VMP1: variants seen among roughly 807,000 people sequenced by gnomAD.
VMP1 encodes the protein vacuole membrane protein 1, also known as ectopic P-granules autophagy protein 3 homolog.
In VMP1, 11 loss-of-function variants were observed where a neutral mutation model predicts 56.0. That is an observed-to-expected ratio of 0.20 (90% CI 0.12 to 0.32). The LOEUF (loss-of-function observed/expected upper bound fraction) is 0.32, where lower values mean the gene tolerates loss of function less well. Among genes scored for constraint, VMP1 ranks in the 10% least tolerant of loss-of-function variants. The pLI is 1.00. For missense variants in VMP1, 296 were observed against 490.3 expected (o/e 0.60, Z 3.74); for synonymous variants, 149 against 165.0 (o/e 0.90, Z 0.74).
At chr17:59,797,570 T>C (rs2037487872) in intron 7 of VMP1, among the ~76,000 whole-genome samples, 1 of 152,114 alleles carries the variant, frequency 6.6e-6, no homozygotes, top group African/African-American at 2.4e-5. Context: ...GGACATACTG[T>C]ATAATTCCAT....
At chr17:59,826,821 G>C (rs2038659451) in intron 10 of VMP1, among the ~76,000 whole-genome samples, 1 of 152,142 alleles carries the variant, frequency 6.6e-6, no homozygotes, top group Non-Finnish European at 1.5e-5. Context: ...GGCAGAGAAG[G>C]GGGACACTCC....
chr17:59,719,577 T>G (rs1249971489), intron 1 of VMP1, among the ~76,000 whole-genome samples: 1 of 152,170 alleles, frequency 6.6e-6, no homozygotes, highest in Non-Finnish European at 1.5e-5. Flanking sequence ...TCTCACTTTC[T>G]TTTCCTTTTC....
At chr17:59,717,717 T>C (rs191428114) in intron 1 of VMP1, among the ~76,000 whole-genome samples, 43 of 152,302 alleles carry the variant, frequency 2.8e-4, no homozygotes, top group Non-Finnish European at 5.0e-4. Context: ...GTAAGGCATT[T>C]GATAACAGCC....
At chr17:59,787,355 T>C (rs2037041349) in intron 7 of VMP1, among the ~76,000 whole-genome samples, 2 of 152,184 alleles carry the variant, frequency 1.3e-5, no homozygotes, top group African/African-American at 2.4e-5. Context: ...TCTATTTCTT[T>C]AACTCATTCC....
chr17:59,828,844 A>G (rs921860133), intron 10 of VMP1, among the ~76,000 whole-genome samples: 5 of 152,210 alleles, frequency 3.3e-5, no homozygotes, highest in African/African-American at 9.6e-5. Context: ...AGCCAGGCAC[A>G]GAGGCTTATG....
intron 7 of VMP1, among the ~76,000 whole-genome samples, chr17:59,800,150 A>G (rs2037588594): frequency 6.6e-6 from 1 of 152,298 alleles, no homozygotes; most frequent in African/African-American, 2.4e-5. Flanking sequence ...GGCACTTTTT[A>G]CTTTGTGTTC....
intron 5 of VMP1, among the ~76,000 whole-genome samples, chr17:59,740,349 A>G (rs1158712507): frequency 6.6e-6 from 1 of 152,200 alleles, no homozygotes; most frequent in Non-Finnish European, 1.5e-5. Flanking sequence ...TCCATATTTG[A>G]AAGCAGTTTG....
intron 1 of VMP1, among the ~76,000 whole-genome samples, chr17:59,728,432 C>G (rs371509885): frequency 1.3e-5 from 2 of 151,214 alleles, no homozygotes; most frequent in African/African-American, 4.9e-5. Flanking sequence ...AATATAACCC[C>G]CTAACTCATA....
chr17:59,729,407 C>T (rs1331311059), intron 1 of VMP1, among the ~76,000 whole-genome samples: 1 of 145,148 alleles, frequency 6.9e-6, no homozygotes, highest in Non-Finnish European at 1.5e-5. Context: ...CACTTGAACT[C>T]GGGAGGCAGA....
chr17:59,838,186 C>A, intron 10 of VMP1, 109 bp from the exon 11 acceptor site: 1 of 596,794 alleles, frequency 1.7e-6, no homozygotes, highest in South Asian at 2.4e-5. Context: ...CTCTTCCTAT[C>A]CAATCCCTGC....
At chr17:59,829,402 G>T (rs2038743675) in intron 10 of VMP1, among the ~76,000 whole-genome samples, 1 of 152,120 alleles carries the variant, frequency 6.6e-6, no homozygotes, top group Admixed American at 6.5e-5. Flanking sequence ...TACTAGGAAA[G>T]GCAGTTTCAT....
intron 2 of VMP1, among the ~76,000 whole-genome samples, chr17:59,733,715 AAAAC>A (rs2034919166): frequency 6.6e-6 from 1 of 152,214 alleles, no homozygotes; most frequent in Non-Finnish European, 1.5e-5. Context: ...AAAAAAAACA[AAAAC>A]AAAAGCATTT....
Position 59,738,772 on chromosome 17 carries a change from T to C in VMP1, c.304-65T>C, listed in dbSNP as rs185030704. On this transcript the variant is annotated intron_variant, in intron 4 of 11. Transcript: ENST00000262291. The stretch of plus-strand genomic sequence containing the variant: ...ACTTTAGTTGATTTAATTTTGATGA[T>C]GGTTTATAAATACCGCATTTCTGTA... 6 of 1,148,074 alleles carry C rather than the reference T, an allele frequency of 5.2e-6. No individual in the cohort carries two copies. The African/African-American group carries it at 7.9e-5, about 15-fold the overall frequency. The allele number at this position is 1,148,074 out of a possible 1,614,324, so 71.1% of individuals were successfully genotyped here.
intron 6 of VMP1, among the ~76,000 whole-genome samples, chr17:59,769,772 G>A (rs117763691): frequency 7.4e-4 from 113 of 152,120 alleles, no homozygotes; most frequent in Admixed American, 2.0e-3. Flanking sequence ...TTAAACTTAG[G>A]CTGACAGTTT....
chr17:59,750,026 T>G (rs1174030581), intron 5 of VMP1, among the ~76,000 whole-genome samples: 2 of 152,206 alleles, frequency 1.3e-5, no homozygotes, highest in Non-Finnish European at 2.9e-5. Flanking sequence ...AAATAGAATC[T>G]TTGCAAAGCC....
intron 7 of VMP1, among the ~76,000 whole-genome samples, chr17:59,789,804 T>C (rs1351000643): frequency 6.6e-6 from 1 of 151,086 alleles, no homozygotes; most frequent in African/African-American, 2.4e-5. Flanking sequence ...TTCTTTTCTT[T>C]CTTTCTTCCT....
chr17:59,729,082 T>C (rs1446410045), intron 1 of VMP1, among the ~76,000 whole-genome samples: 1 of 152,218 alleles, frequency 6.6e-6, no homozygotes, highest in Admixed American at 6.5e-5. Context: ...TCAGACTCCA[T>C]TGATGCAGTA....
chr17:59,764,655 C>G (rs578180850), intron 5 of VMP1, among the ~76,000 whole-genome samples: 1 of 152,236 alleles, frequency 6.6e-6, no homozygotes, highest in South Asian at 2.1e-4. Context: ...TGGAAATGTT[C>G]TGTATCTTGA....
At position 59,802,786 on chromosome 17, in the gene VMP1, G is replaced by T. The variant is rs537974262; in HGVS notation, c.715-6010G>T. On this transcript the variant is annotated intron_variant, in intron 7 of 11. Transcript: ENST00000262291. The stretch of plus-strand genomic sequence containing the variant: ...TTTGAGAAAGAGTTTAGCTCTTGTT[G>T]CCCAGGCTGGAGTGCAATGGCACGA... Among the ~76,000 whole-genome samples the T allele has an allele frequency of 6.6e-5, 10 of 152,306 alleles. No individual in the cohort carries two copies. In the East Asian group the frequency reaches 1.9e-3, roughly 29 times the overall value.
Sources: gnomAD v4.1 joint callset for allele counts (sites outside exome capture counted in the v4.1 genomes callset) on GRCh38, gnomAD v4.1.1 for gene constraint, MANE v1.5 for transcripts, NCBI Gene and HGNC (gene_info 2026-07-23, HGNC 2026-07-21) for gene names.